GRIN2B: variants seen among roughly 807,000 people sequenced by gnomAD.
GRIN2B encodes the protein glutamate receptor ionotropic, NMDA 2B.
In GRIN2B, 5 loss-of-function variants were observed where a neutral mutation model predicts 114.5. The ratio of observed to expected loss-of-function variants is 0.04; its 90% CI spans 0.02 to 0.09. The LOEUF (loss-of-function observed/expected upper bound fraction) is 0.09, where lower values mean the gene tolerates loss of function less well. Among genes scored for constraint, GRIN2B ranks in the 10% least tolerant of loss-of-function variants. The probability of loss-of-function intolerance (pLI) is 1.00; values close to 1 mark genes in which losing one functional copy is unlikely to be tolerated. For synonymous variants in GRIN2B, 787 were observed against 745.1 expected (o/e 1.06, Z -0.92); for missense variants, 1,108 against 1,943.5 (o/e 0.57, Z 8.08).
intron 1 of GRIN2B, among the ~76,000 whole-genome samples, chr12:13,980,663 G>T (rs963292587): frequency 2.6e-5 from 4 of 151,922 alleles, no homozygotes; most frequent in Admixed American, 6.6e-5. Context: ...GGAAGGGGGG[G>T]AGAAGCGGCA....
intron 10 of GRIN2B, among the ~76,000 whole-genome samples, chr12:13,576,047 G>A (rs1565459523): frequency 1.3e-5 from 2 of 152,308 alleles, no homozygotes; most frequent in Non-Finnish European, 2.9e-5. Flanking sequence ...CCAGTCTGGA[G>A]GCCAACAGGG....
intron 2 of GRIN2B, among the ~76,000 whole-genome samples, chr12:13,968,203 T>A (rs367579821): frequency 6.6e-6 from 1 of 152,226 alleles, no homozygotes; most frequent in Non-Finnish European, 1.5e-5. Flanking sequence ...ATATTTTCCA[T>A]TTTCTTGTTC....
chr12:13,694,700 TA>T (rs1950245598), intron 4 of GRIN2B, among the ~76,000 whole-genome samples: 5 of 126,966 alleles, frequency 3.9e-5, no homozygotes, highest in Admixed American at 1.6e-4. Flanking sequence ...TATATATATA[TA>T]TAAATTAATT....
chr12:13,723,287 C>T (rs1862913082), intron 4 of GRIN2B, among the ~76,000 whole-genome samples: 1 of 152,014 alleles, frequency 6.6e-6, no homozygotes, highest in African/African-American at 2.4e-5. Flanking sequence ...TATCCCTCCC[C>T]TAGCCCCCCA....
At chr12:13,896,513 T>C (rs2136782639) in intron 2 of GRIN2B, among the ~76,000 whole-genome samples, 1 of 152,306 alleles carries the variant, frequency 6.6e-6, no homozygotes, top group Admixed American at 6.5e-5. Flanking sequence ...ATTAAGGCCA[T>C]AGTGGCGCCT....
In GRIN2B at chr12:13,552,789, T is replaced by C. The variant is rs563860534; in HGVS notation, c.*9994A>G. 4 of 152,368 alleles carry C rather than the reference T, an allele frequency of 2.6e-5. No homozygotes were observed. The highest frequency in any genetic ancestry group is 9.6e-5 in the African/African-American group (4 of 41,588). The allele number at this position is 152,368 out of a possible 1,614,324, so 9.4% of individuals were successfully genotyped here. ...AAGCAAAATTATCTCTCTAGACTTA[T>C]ATTTTAATTTTCACTAGGTATCTCC... is the stretch of plus-strand genomic sequence containing the variant. On this transcript the variant is annotated 3_prime_UTR_variant, in exon 14 of 14. Transcript: ENST00000609686.
intron 10 of GRIN2B, among the ~76,000 whole-genome samples, chr12:13,605,378 G>A (rs1055970812): frequency 1.3e-5 from 2 of 151,990 alleles, no homozygotes; most frequent in African/African-American, 2.4e-5. Context: ...AAAGCCTCCC[G>A]GGCAGATGCA....
At position 13,923,088 on chromosome 12, in the gene GRIN2B, CT is replaced by C. The variant is rs937970090; in HGVS notation, c.-19+56839del. On this transcript the variant is annotated intron_variant, in intron 2 of 13. Transcript: ENST00000609686. The stretch of plus-strand genomic sequence containing the variant: ...CTTTTTCTTTAAATCTAATATACTT[CT>C]TTTTTTTTCCTGAAATTAGGCAATG... Among the ~76,000 whole-genome samples the C allele has an allele frequency of 3.8e-3, 581 of 151,560 alleles. 7 individuals carry two copies. Among genetic ancestry groups the C allele is most frequent in the African/African-American group, 0.013 (518 of 41,342 alleles).
chr12:13,736,793 G>A (rs1211368777), intron 4 of GRIN2B, among the ~76,000 whole-genome samples: 1 of 152,184 alleles, frequency 6.6e-6, no homozygotes, highest in East Asian at 1.9e-4. Flanking sequence ...GCCAAGGCGG[G>A]TGGATCACCT....
intron 4 of GRIN2B, among the ~76,000 whole-genome samples, chr12:13,746,276 C>T (rs572682079): frequency 6.6e-6 from 1 of 152,146 alleles, no homozygotes; most frequent in African/African-American, 2.4e-5. Flanking sequence ...GAGTTCATAA[C>T]TTTCGCAGCC....
At chr12:13,711,449 G>A (rs548132079) in intron 4 of GRIN2B, among the ~76,000 whole-genome samples, 51 of 152,114 alleles carry the variant, frequency 3.4e-4, no homozygotes, top group African/African-American at 1.2e-3. Context: ...GCAACCTACA[G>A]AATGGGAGAA....
chr12:13,653,147 G>T (rs576714845), intron 5 of GRIN2B, among the ~76,000 whole-genome samples: 1 of 152,264 alleles, frequency 6.6e-6, no homozygotes, highest in Admixed American at 6.5e-5. Context: ...GTAGATCAAA[G>T]AGATGGATAG....
At chr12:13,661,488 C>T (rs998557053) in intron 5 of GRIN2B, among the ~76,000 whole-genome samples, 1 of 152,172 alleles carries the variant, frequency 6.6e-6, no homozygotes, top group African/African-American at 2.4e-5. Flanking sequence ...CAGCTGCCCC[C>T]TAGAGACTCC....
intron 5 of GRIN2B, among the ~76,000 whole-genome samples, chr12:13,654,884 T>G (rs1022834894): frequency 2.0e-5 from 3 of 152,204 alleles, no homozygotes; most frequent in Admixed American, 2.0e-4. Context: ...GAGGATAATA[T>G]TCTGTCTCAG....
chr12:13,880,064 C>T (rs915722622), intron 2 of GRIN2B, among the ~76,000 whole-genome samples: 1 of 152,168 alleles, frequency 6.6e-6, no homozygotes, highest in Non-Finnish European at 1.5e-5. Context: ...GACACCCCTG[C>T]ACAGAAAAGC....
chr12:13,611,139 G>C (rs1043199039), intron 9 of GRIN2B, among the ~76,000 whole-genome samples: 2 of 152,146 alleles, frequency 1.3e-5, no homozygotes, highest in African/African-American at 4.8e-5. Context: ...CCAGGAAATT[G>C]GACCATACCC....
intron 4 of GRIN2B, among the ~76,000 whole-genome samples, chr12:13,749,960 G>T (rs900866575): frequency 2.6e-5 from 4 of 152,218 alleles, no homozygotes; most frequent in African/African-American, 9.7e-5. Flanking sequence ...AAGAATGGAG[G>T]TGTATGGACA....
In GRIN2B at chr12:13,563,162, G is replaced by C. The variant is rs770040831; in HGVS notation, c.4076C>G (p.Ala1359Gly). 5 of 1,614,090 alleles carry C rather than the reference G, an allele frequency of 3.1e-6. No homozygotes were observed. In the African/African-American group the frequency reaches 6.7e-5, roughly 22 times the overall value. ...GGGGTTGTTGTGGTGGTGATGTCCG[G>C]CAGTGGGCACTGAGGACTTGTTGTT... ...FANNKSSVPT[A>G]GHHHHNNPGG... Residue 1359 changes from alanine (A) to glycine (G), a missense_variant, in exon 14 of 14, where the codon GCC (alanine) becomes GGC (glycine). Ala to Gly is a moderately conservative substitution (Grantham distance 60). Coordinates refer to ENST00000609686, the MANE Select transcript of GRIN2B (RefSeq NM_000834.5).
intron 2 of GRIN2B, among the ~76,000 whole-genome samples, chr12:13,956,100 G>C (rs995835553): frequency 6.6e-6 from 1 of 152,168 alleles, no homozygotes; most frequent in Non-Finnish European, 1.5e-5. Flanking sequence ...GACAGTGCTG[G>C]GATGGAGTAG....
Sources: allele counts gnomAD v4.1 joint callset (sites outside exome capture counted in the v4.1 genomes callset), GRCh38; gene constraint gnomAD v4.1.1; transcripts MANE v1.5; gene names NCBI Gene and HGNC (gene_info 2026-07-23, HGNC 2026-07-21).